The following KIF1B variants were observed in gnomAD, a reference collection of about 807,000 sequenced individuals.
KIF1B encodes kinesin-like protein KIF1B.
Under a neutral mutation model 241.9 loss-of-function variants are expected in KIF1B, and 76 were observed. That is an observed-to-expected ratio of 0.31 (90% CI 0.26 to 0.38). KIF1B has a LOEUF of 0.38. KIF1B is among the 10% of genes least tolerant of loss of function. The pLI, the probability that KIF1B is intolerant of heterozygous loss-of-function variation, is 1.00. For missense variants in KIF1B, 1,622 were observed against 2,271.4 expected, an observed-to-expected ratio of 0.71 and a Z score of 5.81; for synonymous variants, 750 against 796.7, an observed-to-expected ratio of 0.94 and a Z score of 0.99.
intron 48 of KIF1B, 149 bp from the exon 49 acceptor site, chr1:10,376,396 C>T: frequency 1.3e-6 from 1 of 785,358 alleles, no homozygotes; most frequent in Non-Finnish European, 2.3e-6. Flanking sequence ...GCTTGTGTCA[C>T]AGGGTCCCGG....
chr1:10,274,940 G>A, intron 10 of KIF1B: 2 of 394,576 alleles, frequency 5.1e-6, no homozygotes, highest in Non-Finnish European at 9.8e-6. Flanking sequence ...AAAATGATAT[G>A]GACAGGATAT....
chr1:10,316,055 CAAA>C (rs1308346575), intron 22 of KIF1B, among the ~76,000 whole-genome samples: 5 of 25,792 alleles, frequency 1.9e-4, no homozygotes, highest in East Asian at 9.5e-4. Context: ...AACTCCATCT[CAAA>C]AAAAAAAAAA....
intron 22 of KIF1B, among the ~76,000 whole-genome samples, chr1:10,300,110 A>G (rs1321942157): frequency 2.0e-5 from 3 of 151,706 alleles, no homozygotes; most frequent in Non-Finnish European, 4.4e-5. Context: ...CTTGGTGGGC[A>G]CCTGTAATCC....
At chr1:10,239,991 C>T (rs1263612537) in intron 2 of KIF1B, among the ~76,000 whole-genome samples, 1 of 152,096 alleles carries the variant, frequency 6.6e-6, no homozygotes. Flanking sequence ...TGGTCTTGGT[C>T]TCCTGACCTC....
At chr1:10,376,005 G>C (rs1638877381) in intron 48 of KIF1B, among the ~76,000 whole-genome samples, 1 of 147,818 alleles carries the variant, frequency 6.8e-6, no homozygotes, top group African/African-American at 2.5e-5. Context: ...GTTTCACCAT[G>C]TTGGCCAGGC....
chr1:10,235,630 G>A (rs919182295), intron 2 of KIF1B, among the ~76,000 whole-genome samples: 4 of 152,178 alleles, frequency 2.6e-5, no homozygotes, highest in Non-Finnish European at 2.9e-5. Context: ...GGAGGCCGAG[G>A]TGGGTGGATC....
intron 38 of KIF1B, among the ~76,000 whole-genome samples, chr1:10,358,285 A>G (rs1004961567): frequency 1.3e-5 from 2 of 152,136 alleles, no homozygotes; most frequent in African/African-American, 4.8e-5. Flanking sequence ...AAATGTGAAG[A>G]GGCTTTTTTA....
At chr1:10,360,752 G>A (rs1309905039) in intron 38 of KIF1B, among the ~76,000 whole-genome samples, 177 bp from the exon 39 acceptor site, 2 of 151,966 alleles carry the variant, frequency 1.3e-5, no homozygotes, top group African/African-American at 4.8e-5. Context: ...GCAAGAGGAT[G>A]GGGACCTATC....
chr1:10,267,675 C>T lies in KIF1B; in HGVS notation c.608+117C>T. On this transcript the variant is annotated intron_variant, in intron 6 of 48. Coordinates refer to ENST00000676179, the MANE Select transcript of KIF1B (RefSeq NM_001365951.3). ...ATGAAAGTTGCTTTAATTGTGGAGT[C>T]CTCTGATCCTTTGACTGTGCTGTAA... 4.5e-6 allele frequency: 4 copies of T among 887,596 alleles called. No homozygotes were observed. The East Asian group carries it at 1.0e-4, about 23-fold the overall frequency. 55.0% of individuals were successfully genotyped at this position (887,596 alleles called of 1,614,324 possible). A position where few individuals can be genotyped will look rare whatever the true frequency, so the allele number is the denominator to read the frequency against.
intron 22 of KIF1B, chr1:10,308,129 G>T (rs917396940): frequency 1.3e-5 from 14 of 1,061,082 alleles, no homozygotes; most frequent in Non-Finnish European, 1.5e-5. Flanking sequence ...CTGTGCCCCA[G>T]TGCCTTACTG....
In KIF1B at chr1:10,258,513, A is replaced by C; in HGVS notation, c.204A>C (p.Ala68=). 1 of 1,614,102 alleles carries C rather than the reference A, an allele frequency of 6.2e-7. No homozygotes were observed. The highest frequency in any genetic ancestry group is 8.5e-7 in the Non-Finnish European group (1 of 1,179,978). The change falls in exon 4 of 49, where the codon GCA becomes GCC. Residue 68 remains alanine (A), a synonymous_variant. Coordinates refer to ENST00000676179, the MANE Select transcript of KIF1B (RefSeq NM_001365951.3). ...TACAGCCCGAAGATCCCTGTTTTGCATCTCAAAACCGTGTGTACAATGACA... is the reference window on the plus strand; with the variant it reads ...TACAGCCCGAAGATCCCTGTTTTGCCTCTCAAAACCGTGTGTACAATGACA... ...SHTSPEDPCF[A]SQNRVYNDIG...
intron 15 of KIF1B, among the ~76,000 whole-genome samples, chr1:10,289,567 A>G (rs890785363): frequency 2.6e-5 from 4 of 152,070 alleles, no homozygotes; most frequent in Non-Finnish European, 5.9e-5. Flanking sequence ...TATCTGACAT[A>G]CTGTGTACTT....
At chr1:10,292,315 A>G (rs1650039182) in intron 17 of KIF1B, 193 bp downstream of exon 17, 4 of 584,786 alleles carry the variant, frequency 6.8e-6, no homozygotes, top group Non-Finnish European at 1.2e-5. Flanking sequence ...TAAAATGCCT[A>G]TCTTGTTTAC....
intron 28 of KIF1B, among the ~76,000 whole-genome samples, chr1:10,335,045 T>G (rs948396549): frequency 1.3e-5 from 2 of 151,546 alleles, no homozygotes; most frequent in African/African-American, 4.9e-5. Context: ...TCAGCCATCC[T>G]CCCACCTCAG....
At chr1:10,218,937 A>G (rs746129149) in intron 1 of KIF1B, among the ~76,000 whole-genome samples, 1 of 152,216 alleles carries the variant, frequency 6.6e-6, no homozygotes, top group Non-Finnish European at 1.5e-5. Context: ...TAAAATATAA[A>G]TAAGTAAAAA....
At chr1:10,269,313 G>C (rs1648649731) in intron 7 of KIF1B, among the ~76,000 whole-genome samples, 1 of 152,018 alleles carries the variant, frequency 6.6e-6, no homozygotes, top group Non-Finnish European at 1.5e-5. Flanking sequence ...AGGAGTTTGG[G>C]ACCAGCCTGG....
chr1:10,233,579 A>G (rs1052405891), intron 2 of KIF1B, among the ~76,000 whole-genome samples: 1 of 152,202 alleles, frequency 6.6e-6, no homozygotes, highest in Non-Finnish European at 1.5e-5. Flanking sequence ...CTTCTATGTC[A>G]ACATTGCCAA....
intron 43 of KIF1B, among the ~76,000 whole-genome samples, chr1:10,367,250 C>T (rs1003155222): frequency 2.0e-5 from 3 of 151,332 alleles, no homozygotes; most frequent in African/African-American, 7.3e-5. Flanking sequence ...CATGTGCCAC[C>T]ACACCTGGCT....
intron 40 of KIF1B, 109 bp from the exon 41 acceptor site, chr1:10,363,174 T>A: frequency 1.3e-6 from 1 of 790,646 alleles, no homozygotes; most frequent in Non-Finnish European, 2.1e-6. Context: ...ATGCCTGGAA[T>A]TATATTTGAG....
Sources: allele counts gnomAD v4.1 joint callset (sites outside exome capture counted in the v4.1 genomes callset), GRCh38; gene constraint gnomAD v4.1.1; transcripts MANE v1.5; gene names NCBI Gene and HGNC (gene_info 2026-07-23, HGNC 2026-07-21).